LIN52: variants seen among roughly 807,000 people sequenced by gnomAD.
LIN52 encodes the protein lin-52 DREAM MuvB core complex component.
LIN52 carries 4 observed loss-of-function variants against 18.5 expected under a neutral mutation model. The ratio of observed to expected loss-of-function variants is 0.22; its 90% confidence interval spans 0.11 to 0.49. The LOEUF (loss-of-function observed/expected upper bound fraction) is 0.49. Among genes scored for constraint, LIN52 ranks in the 20% least tolerant of loss-of-function variants. LIN52 has a pLI of 0.97. For missense variants in LIN52, 102 were observed against 139.5 expected (o/e 0.73, Z 1.35); for synonymous variants, 34 against 45.5 (o/e 0.75, Z 1.02).
At chr14:74,169,965 C>T (rs977462727) in intron 5 of LIN52, among the ~76,000 whole-genome samples, 16 of 152,158 alleles carry the variant, frequency 1.1e-4, no homozygotes, top group Non-Finnish European at 1.3e-4. Flanking sequence ...AGAAGAGACA[C>T]TGGAAGCTGG....
At chr14:74,195,824 C>G (rs1201194248) in intron 5 of LIN52, among the ~76,000 whole-genome samples, 1 of 152,076 alleles carries the variant, frequency 6.6e-6, no homozygotes, top group Non-Finnish European at 1.5e-5. Flanking sequence ...AATCTTCGCC[C>G]TGCAGCAGAG....
chr14:74,155,825 A>G (rs1001415074), intron 5 of LIN52, among the ~76,000 whole-genome samples: 1 of 152,176 alleles, frequency 6.6e-6, no homozygotes, highest in Non-Finnish European at 1.5e-5. Flanking sequence ...ATTAATGCCA[A>G]TCTTTTCTGT....
At chr14:74,103,727 T>G (rs568249132) in intron 5 of LIN52, among the ~76,000 whole-genome samples, 44 of 131,624 alleles carry the variant, frequency 3.3e-4, no homozygotes, top group Middle Eastern at 4.2e-3. Flanking sequence ...CCACCGGGCC[T>G]GGCCAGTTTT....
chr14:74,155,930 A>T (rs1418117074), intron 5 of LIN52, among the ~76,000 whole-genome samples: 1 of 152,112 alleles, frequency 6.6e-6, no homozygotes, highest in Admixed American at 6.6e-5. Context: ...TAATCAGAAG[A>T]GTGGGAAGGA....
At chr14:74,177,841 G>C (rs999707859) in intron 5 of LIN52, among the ~76,000 whole-genome samples, 1 of 152,176 alleles carries the variant, frequency 6.6e-6, no homozygotes, top group African/African-American at 2.4e-5. Context: ...GCAATGGCGT[G>C]ATCTCTGCTC....
chr14:74,153,474 GTATA>G (rs1388820184), intron 5 of LIN52, among the ~76,000 whole-genome samples: 1 of 151,630 alleles, frequency 6.6e-6, no homozygotes, highest in Non-Finnish European at 1.5e-5. Flanking sequence ...AAATAAATAA[GTATA>G]TATGAACATT....
rs574656035 is a variant in LIN52, at chr14:74,134,414, G to A, written c.283+33176G>A. Among the ~76,000 whole-genome samples the A allele has an allele frequency of 1.2e-4, 18 of 152,206 alleles. 1 individual carries two copies. Among genetic ancestry groups the A allele is most frequent in the Middle Eastern group, 3.4e-3 (1 of 292 alleles). On this transcript the variant is annotated intron_variant, in intron 5 of 5. Transcript: ENST00000555028. The stretch of plus-strand genomic sequence containing the variant: ...GGATAGGAATTGATACTGGACCTTG[G>A]CCTCTCTTGTTTGTTTGAGATCAAA...
At chr14:74,177,170 G>T (rs911285759) in intron 5 of LIN52, among the ~76,000 whole-genome samples, 2 of 151,912 alleles carry the variant, frequency 1.3e-5, no homozygotes, top group Non-Finnish European at 2.9e-5. Context: ...GGCTAATTTT[G>T]TATCTTTAGT....
intron 5 of LIN52, among the ~76,000 whole-genome samples, chr14:74,162,854 A>G (rs1305208912): frequency 2.0e-5 from 3 of 151,816 alleles, no homozygotes; most frequent in East Asian, 1.9e-4. Context: ...TTGTTCTTCA[A>G]TTGTTATTTA....
intron 5 of LIN52, among the ~76,000 whole-genome samples, chr14:74,171,088 A>G (rs2061268528): frequency 6.6e-6 from 1 of 151,930 alleles, no homozygotes; most frequent in African/African-American, 2.4e-5. Flanking sequence ...TTCTGCCATT[A>G]AATGAAAGGT....
At chr14:74,097,733 A>C in intron 3 of LIN52, 61 bp from the exon 4 acceptor site, 1 of 1,253,732 alleles carries the variant, frequency 8.0e-7, no homozygotes, top group South Asian at 1.2e-5. Flanking sequence ...ACTTCTTATA[A>C]GAATAATAGG....
intron 5 of LIN52, among the ~76,000 whole-genome samples, chr14:74,156,712 A>G (rs2061200308): frequency 6.6e-6 from 1 of 152,124 alleles, no homozygotes; most frequent in African/African-American, 2.4e-5. Flanking sequence ...AATTACAGTC[A>G]CCTTACAGTT....
At chr14:74,172,714 A>G (rs1051958169) in intron 5 of LIN52, among the ~76,000 whole-genome samples, 2 of 152,240 alleles carry the variant, frequency 1.3e-5, no homozygotes, top group Non-Finnish European at 2.9e-5. Flanking sequence ...TACTGGAGCC[A>G]GTGAGCACTT....
intron 2 of LIN52, among the ~76,000 whole-genome samples, chr14:74,095,204 T>C (rs560506312): frequency 1.4e-4 from 20 of 146,190 alleles, no homozygotes; most frequent in Admixed American, 2.9e-4. Context: ...CAGTTTGGAG[T>C]GCAGTGGTGT....
intron 5 of LIN52, among the ~76,000 whole-genome samples, chr14:74,168,488 G>A (rs1449239463): frequency 6.6e-6 from 1 of 151,438 alleles, no homozygotes; most frequent in Non-Finnish European, 1.5e-5. Context: ...CTAACATGGT[G>A]AAACCCCATC....
At chr14:74,173,321 G>A (rs2061279345) in intron 5 of LIN52, among the ~76,000 whole-genome samples, 1 of 152,074 alleles carries the variant, frequency 6.6e-6, no homozygotes, top group African/African-American at 2.4e-5. Flanking sequence ...CTGAATAGCT[G>A]GGATTACAGG....
At chr14:74,090,880 G>A (rs1413661591) in intron 1 of LIN52, among the ~76,000 whole-genome samples, 1 of 152,124 alleles carries the variant, frequency 6.6e-6, no homozygotes, top group Non-Finnish European at 1.5e-5. Flanking sequence ...AGAGAAGATG[G>A]CATCTAGAGT....
At chr14:74,179,180 GAATT>G (rs2061306063) in intron 5 of LIN52, among the ~76,000 whole-genome samples, 3 of 152,254 alleles carry the variant, frequency 2.0e-5, no homozygotes, top group South Asian at 2.1e-4. Context: ...GTCTTCTGCA[GAATT>G]AATTATCTCC....
intron 5 of LIN52, among the ~76,000 whole-genome samples, chr14:74,159,603 C>T (rs1244884753): frequency 1.4e-5 from 2 of 146,262 alleles, no homozygotes; most frequent in Non-Finnish European, 3.0e-5. Flanking sequence ...GATGGAGTCT[C>T]ACTCTGTCAC....
Sources: gnomAD v4.1 joint callset for allele counts (sites outside exome capture counted in the v4.1 genomes callset) on GRCh38, gnomAD v4.1.1 for gene constraint, MANE v1.5 for transcripts, NCBI Gene and HGNC (gene_info 2026-07-23, HGNC 2026-07-21) for gene names.